The following PPL variants were observed in gnomAD, a reference collection of about 807,000 sequenced individuals.
The protein encoded by PPL is 190 kDa paraneoplastic pemphigus antigen.
A neutral mutation model predicts 194.4 loss-of-function variants in PPL; 198 were observed. The ratio of observed to expected loss-of-function variants is 1.02; its 90% CI spans 0.91 to 1.15. The LOEUF is 1.15. PPL is among the 50% of genes most tolerant of loss of function. The pLI is 0.00. For missense variants in PPL, 2,885 were observed against 2,294.8 expected (o/e 1.26, Z -5.25); for synonymous variants, 1,220 against 972.4 (o/e 1.25, Z -4.74).
intron 6 of PPL, among the ~76,000 whole-genome samples, chr16:4,900,456 TA>T (rs869303173): frequency 0.015 from 1,875 of 128,828 alleles, 208 homozygotes; most frequent in African/African-American, 0.053. Flanking sequence ...TTTTTTTTTT[TA>T]AAGGCAGGGT....
chr16:4,897,640 C>A (rs1402745431), intron 9 of PPL, 35 bp downstream of exon 9: 1 of 1,553,380 alleles, frequency 6.4e-7, no homozygotes. Context: ...AGTAGCACCC[C>A]CGGTGCTGGG....
At position 4,890,717 on chromosome 16, in the gene PPL, C is replaced by T. The variant is rs746061499; in HGVS notation, c.2162+11G>A. 2.8e-5 allele frequency: 44 copies of T among 1,597,930 alleles called. No homozygotes were observed. Among genetic ancestry groups the T allele is most frequent in the Middle Eastern group, 1.7e-4 (1 of 6,040 alleles). Reference sequence around the variant, plus strand: ...GAAAACAAAAATGGCCACCACCCACCGCACCCTCACCTGCGTTCCACCTGC... The same window carrying T: ...GAAAACAAAAATGGCCACCACCCACTGCACCCTCACCTGCGTTCCACCTGC... On this transcript the variant is annotated intron_variant, in intron 17 of 21. Coordinates refer to ENST00000345988, the MANE Select transcript of PPL (RefSeq NM_002705.5).
chr16:4,905,860 T>C (rs190056405), intron 2 of PPL, among the ~76,000 whole-genome samples: 1 of 152,086 alleles, frequency 6.6e-6, no homozygotes, highest in Admixed American at 6.5e-5. Flanking sequence ...ATCTTAACAC[T>C]TTGGGGGGCT....
At chr16:4,926,102 C>T (rs1186583518) in intron 1 of PPL, among the ~76,000 whole-genome samples, 2 of 152,176 alleles carry the variant, frequency 1.3e-5, no homozygotes, top group Admixed American at 1.3e-4. Context: ...CCACACCCTA[C>T]CCTAGCACCG....
At chr16:4,896,761 T>C (rs2088438228) in intron 9 of PPL, among the ~76,000 whole-genome samples, 1 of 149,758 alleles carries the variant, frequency 6.7e-6, no homozygotes, top group Admixed American at 6.7e-5. Flanking sequence ...TGCCTCAGCC[T>C]CCCATCTGGG....
chr16:4,883,355 G>T lies in PPL; in HGVS notation c.*29C>A. On this transcript the variant is annotated 3_prime_UTR_variant, in exon 22 of 22. Transcript: ENST00000345988. This position sits in a 1 kb window ranked among gnomAD's most constrained non-coding sequence, Gnocchi z 4.8. The stretch of plus-strand genomic sequence containing the variant: ...GCGTCGTAGGAGAGGGCCAGCGTCT[G>T]CCGTTACGAAGAGTTGCAAGAGCTG... The T allele has an allele frequency of 6.2e-7, 1 of 1,611,942 alleles. No individual in the cohort carries two copies.
At chr16:4,896,193 G>A (rs2088424076) in intron 9 of PPL, among the ~76,000 whole-genome samples, 1 of 152,196 alleles carries the variant, frequency 6.6e-6, no homozygotes, top group Non-Finnish European at 1.5e-5. Flanking sequence ...CCATAAACAG[G>A]ACCTGAAGCC....
intron 17 of PPL, 30 bp from the exon 18 acceptor site, chr16:4,890,364 C>G: frequency 6.4e-7 from 1 of 1,564,786 alleles, no homozygotes; most frequent in Non-Finnish European, 8.6e-7. Flanking sequence ...AGGCCTCAGC[C>G]ACAGCAAACA....
chr16:4,883,483 G>A lies in PPL; in HGVS notation c.5172C>T (p.Ala1724=), dbSNP rs548306424. 261 of 1,614,194 alleles carry A rather than the reference G, an allele frequency of 1.6e-4. 3 individuals are homozygous for A. The South Asian group carries it at 2.7e-3, about 17-fold the overall frequency. ...CAGGGGTCAGCCTGCCACTCTGCAG[G>A]GCCTCTTCGATGGAGAACTTCTTGC... The part of the protein sequence containing the change: ...KSGKKFSIEE[A]LQSGRLTPAQ... The change falls in exon 22 of 22, where the codon GCC becomes GCT. Residue 1724 remains alanine (A), a synonymous_variant. Transcript: ENST00000345988. The surrounding 1 kb of genome is among the most constrained non-coding windows in gnomAD (Gnocchi z 4.8).
chr16:4,883,390 C>G lies in PPL; in HGVS notation c.5265G>C (p.Gln1755His). ...IQELAVLVSGQK is the reference protein window; with the variant it reads ...IQELAVLVSGHK ...AGAGTTGCAAGAGCTGTGCCTACTTCTGCCCAGATACCAAGACCGCCAGCT... is the reference window on the plus strand; with the variant it reads ...AGAGTTGCAAGAGCTGTGCCTACTTGTGCCCAGATACCAAGACCGCCAGCT... Residue 1755 changes from glutamine (Q) to histidine (H), a missense_variant, in exon 22 of 22, where the codon CAG becomes CAC. Physicochemically the swap from Gln to His is conservative, Grantham distance 24. Coordinates refer to ENST00000345988, the MANE Select transcript of PPL (RefSeq NM_002705.5). This position sits in a 1 kb window ranked among gnomAD's most constrained non-coding sequence, Gnocchi z 4.8. The G allele has an allele frequency of 6.2e-7, 1 of 1,614,048 alleles. No individual in the cohort carries two copies. The highest frequency in any genetic ancestry group is 8.5e-7 in the Non-Finnish European group (1 of 1,180,026).
Position 4,916,503 on chromosome 16 carries a change from C to A in PPL, c.63-5554G>T, listed in dbSNP as rs547465135. 2.4e-4 allele frequency among the ~76,000 whole-genome samples: 36 copies of A among 147,162 alleles called. 1 individual carries two copies. The highest frequency in any genetic ancestry group is 7.8e-4 in the African/African-American group (31 of 39,614). ...CTGGGATTACAGGTGTGAGCCATTG[C>A]GCCCAGCCTTATTATTTTTTGAGAC... On this transcript the variant is annotated intron_variant, in intron 1 of 21. Coordinates refer to ENST00000345988, the MANE Select transcript of PPL (RefSeq NM_002705.5).
intron 9 of PPL, among the ~76,000 whole-genome samples, chr16:4,897,332 CA>C (rs57191109): frequency 0.2 from 10,842 of 53,312 alleles, 235 homozygotes; most frequent in South Asian, 0.28. Flanking sequence ...AAGACTCTCT[CA>C]AAAAAAAAAA....
chr16:4,910,000 C>G (rs2088786333), intron 2 of PPL, among the ~76,000 whole-genome samples: 1 of 152,212 alleles, frequency 6.6e-6, no homozygotes, highest in African/African-American at 2.4e-5. Flanking sequence ...CCAGCCCCTT[C>G]TAAACCTCAG....
intron 2 of PPL, among the ~76,000 whole-genome samples, chr16:4,905,780 C>T (rs2088669447): frequency 6.6e-6 from 1 of 152,096 alleles, no homozygotes; most frequent in South Asian, 2.1e-4. Context: ...CCTGACTCCC[C>T]AGGGGGTTGG....
At chr16:4,916,254 C>T (rs879420799) in intron 1 of PPL, among the ~76,000 whole-genome samples, 1 of 152,098 alleles carries the variant, frequency 6.6e-6, no homozygotes, top group African/African-American at 2.4e-5. Context: ...ACCCTGTTGC[C>T]CAGGCTGGAG....
At position 4,897,760 on chromosome 16, in the gene PPL, T is replaced by C; in HGVS notation, c.887A>G (p.Glu296Gly). The C allele has an allele frequency of 6.2e-7, 1 of 1,613,358 alleles. No homozygotes were observed. ...CTCCTTCCAGTCTGCGTGCACAGCC[T>C]CCATGTGCGCCTGCCAGGAAGAGAA... is the stretch of plus-strand genomic sequence containing the variant. Reference protein sequence around the residue: ...PGRNSIEAHMEAVHADWKEYL... With the variant: ...PGRNSIEAHMGAVHADWKEYL... The change falls in exon 9 of 22, where the codon GAG becomes GGG. Residue 296 changes from glutamate (E) to glycine (G), a missense_variant. By Grantham distance (98) the Glu-to-Gly change is moderately conservative. Transcript: ENST00000345988.
intron 1 of PPL, among the ~76,000 whole-genome samples, chr16:4,915,983 A>G (rs564221761): frequency 6.6e-6 from 1 of 152,348 alleles, no homozygotes; most frequent in East Asian, 1.9e-4. Flanking sequence ...TAAAATGCCA[A>G]GAGCCCAAAA....
chr16:4,890,618 A>G, intron 17 of PPL, 110 bp downstream of exon 17: 2 of 1,333,548 alleles, frequency 1.5e-6, no homozygotes, highest in Non-Finnish European at 2.0e-6. Context: ...TGACGAACTC[A>G]CCAAAAAGAA....
chr16:4,923,668 A>G (rs2089098824), intron 1 of PPL, among the ~76,000 whole-genome samples: 1 of 151,824 alleles, frequency 6.6e-6, no homozygotes, highest in Non-Finnish European at 1.5e-5. Context: ...TGTGGCTCTA[A>G]CCCAGGTGTG....
Sources: gnomAD v4.1 joint callset for allele counts (sites outside exome capture counted in the v4.1 genomes callset) on GRCh38, gnomAD v4.1.1 for gene constraint, Gnocchi (gnomAD v3.1) non-coding constraint, MANE v1.5 for transcripts, NCBI Gene and HGNC (gene_info 2026-07-23, HGNC 2026-07-21) for gene names.